TMIGD3: variants seen among roughly 807,000 people sequenced by gnomAD.
The protein encoded by TMIGD3 is transmembrane and immunoglobulin domain containing 3.
A neutral mutation model predicts 28.1 loss-of-function variants in TMIGD3; 21 were observed. The observed-to-expected ratio is 0.75, with a 90% confidence interval of 0.53 to 1.08. TMIGD3 has a LOEUF of 1.08. Among genes scored for constraint, TMIGD3 ranks in the 50% least tolerant of loss-of-function variants. The pLI, the probability that TMIGD3 is intolerant of heterozygous loss-of-function variation, is 0.00. For synonymous variants in TMIGD3, 151 were observed against 162.1 expected (o/e 0.93, Z 0.52); for missense variants, 416 against 435.6 (o/e 0.96, Z 0.40).
chr1:111,532,799 G>A (rs1656498948), intron 1 of TMIGD3, among the ~76,000 whole-genome samples: 1 of 152,176 alleles, frequency 6.6e-6, no homozygotes, highest in Admixed American at 6.5e-5. Context: ...GAAAGGCAAT[G>A]GCACACTCCT....
intron 1 of TMIGD3, among the ~76,000 whole-genome samples, chr1:111,524,410 A>G (rs2101006862): frequency 6.6e-6 from 1 of 152,234 alleles, no homozygotes; most frequent in South Asian, 2.1e-4. Context: ...TAAATGACAT[A>G]TTTACTGGAG....
chr1:111,489,682 G>T lies in TMIGD3; in HGVS notation c.458-658C>A, dbSNP rs532887981. On this transcript the variant is annotated intron_variant, in intron 2 of 5. Transcript: ENST00000369716. Reference sequence around the variant, plus strand: ...GAGGCTTACCGTTAGGAGGCCCTCTGTCCCTAGCTCCCACCCTACCTTAGC... The same window carrying T: ...GAGGCTTACCGTTAGGAGGCCCTCTTTCCCTAGCTCCCACCCTACCTTAGC... 41 of 1,125,114 alleles carry T rather than the reference G, an allele frequency of 3.6e-5. 1 individual carries two copies. Among genetic ancestry groups the T allele is most frequent in the Middle Eastern group, 5.0e-4 (2 of 3,966 alleles). The allele number at this position is 1,125,114 out of a possible 1,614,324, so 69.7% of individuals were successfully genotyped here. A position where few individuals can be genotyped will look rare whatever the true frequency, so the allele number is the denominator to read the frequency against.
At chr1:111,507,422 C>T (rs545197635), upstream of TMIGD3, among the ~76,000 whole-genome samples, 73 of 152,332 alleles carry the variant, frequency 4.8e-4, no homozygotes, top group Middle Eastern at 3.4e-3. Flanking sequence ...CTACTTGGGT[C>T]TGATGCCACT....
chr1:111,547,877 C>T (rs1007278617), intron 1 of TMIGD3, among the ~76,000 whole-genome samples: 1 of 152,230 alleles, frequency 6.6e-6, no homozygotes, highest in African/African-American at 2.4e-5. Context: ...AAAACACTCT[C>T]ATAATAAGCA....
At chr1:111,526,846 AC>A (rs1325128432) in intron 1 of TMIGD3, among the ~76,000 whole-genome samples, 3 of 152,022 alleles carry the variant, frequency 2.0e-5, no homozygotes, top group Non-Finnish European at 4.4e-5. Context: ...CTCCCTGCCC[AC>A]CAACCTCTGG....
At chr1:111,483,976 G>T (rs978444962) in intron 5 of TMIGD3, among the ~76,000 whole-genome samples, 4 of 152,328 alleles carry the variant, frequency 2.6e-5, no homozygotes, top group African/African-American at 9.6e-5. Context: ...TCACCTCTGT[G>T]AACACAGCTG....
rs1359463513 is a variant in TMIGD3, at chr1:111,483,349, T to C, written c.*338A>G. The C allele has an allele frequency of 7.2e-6, 2 of 277,516 alleles. No homozygotes were observed. Among genetic ancestry groups the C allele is most frequent in the East Asian group, 2.1e-4 (2 of 9,686 alleles). 17.2% of individuals were successfully genotyped at this position (277,516 alleles called of 1,614,324 possible). On this transcript the variant is annotated 3_prime_UTR_variant, in exon 6 of 6. Transcript: ENST00000369716. ...GAAGAAGTTACTCATACCTTGGAGT[T>C]CATTCAACACTGGCTAGGAATTTAT...
In TMIGD3 at chr1:111,522,751, C is replaced by T. The variant is rs12059078; in HGVS notation, c.108-31989G>A. Among the ~76,000 whole-genome samples, 784 of 152,106 alleles carry T rather than the reference C, an allele frequency of 5.2e-3. 4 individuals carry two copies. Among genetic ancestry groups the T allele is most frequent in the African/African-American group, 0.017 (726 of 41,492 alleles). The stretch of plus-strand genomic sequence containing the variant: ...CAGGCTGGTCTCGAACTCCTGACCT[C>T]GTGATCTGCCCGCCTCGGCCTCTCA... On this transcript the variant is annotated intron_variant, in intron 1 of 5. Transcript: ENST00000369717.
chr1:111,518,182 T>C (rs1655928425), intron 1 of TMIGD3, among the ~76,000 whole-genome samples: 1 of 152,236 alleles, frequency 6.6e-6, no homozygotes, highest in South Asian at 2.1e-4. Flanking sequence ...AGGGACTTTT[T>C]CTGAATATAA....
chr1:111,556,851 A>C (rs1450377234), intron 1 of TMIGD3, among the ~76,000 whole-genome samples: 3 of 152,120 alleles, frequency 2.0e-5, no homozygotes, highest in African/African-American at 7.2e-5. Context: ...GAATGTCCTT[A>C]ATGTCACTGA....
intron 4 of TMIGD3, 49 bp downstream of exon 4, chr1:111,486,537 C>T (rs751215749): frequency 2.8e-5 from 40 of 1,422,806 alleles, no homozygotes; most frequent in Non-Finnish European, 2.0e-6. Flanking sequence ...CAGCCCCTAC[C>T]TCCACCCCAC....
At chr1:111,561,962 G>A (rs1657758072) in intron 1 of TMIGD3, among the ~76,000 whole-genome samples, 1 of 151,486 alleles carries the variant, frequency 6.6e-6, no homozygotes, top group Non-Finnish European at 1.5e-5. Context: ...CTGACACCAG[G>A]TCATCCCTAG....
intron 1 of TMIGD3, among the ~76,000 whole-genome samples, chr1:111,535,098 G>T (rs1656593708): frequency 6.6e-6 from 1 of 152,154 alleles, no homozygotes; most frequent in Non-Finnish European, 1.5e-5. Flanking sequence ...CCATTTTTAA[G>T]GTGATCAAGA....
intron 1 of TMIGD3, among the ~76,000 whole-genome samples, chr1:111,530,810 C>T (rs1656435338): frequency 6.6e-6 from 1 of 152,054 alleles, no homozygotes; most frequent in Admixed American, 6.6e-5. Context: ...ATTCATGAGG[C>T]TTTTTGTTTA....
At chr1:111,492,516 A>C (rs1442578787) in intron 1 of TMIGD3, among the ~76,000 whole-genome samples, 1 of 152,136 alleles carries the variant, frequency 6.6e-6, no homozygotes, top group Non-Finnish European at 1.5e-5. Flanking sequence ...AATGCCCAAG[A>C]CATGAAAAAG....
At chr1:111,536,199 A>G (rs1188936889) in intron 1 of TMIGD3, among the ~76,000 whole-genome samples, 1 of 151,700 alleles carries the variant, frequency 6.6e-6, no homozygotes, top group Non-Finnish European at 1.5e-5. Flanking sequence ...GAGGGAAGAA[A>G]TAGGCCTAAA....
Position 111,544,745 on chromosome 1 carries a change from C to T in TMIGD3, c.107+19101G>A, listed in dbSNP as rs150922709. On this transcript the variant is annotated intron_variant, in intron 1 of 5. Transcript: ENST00000369717. ...CATGAACATCCATTTTTGGTATATA[C>T]CCAATTTCTTGGGTATATCCAATTT... Among the ~76,000 whole-genome samples, 421 of 151,910 alleles carry T rather than the reference C, an allele frequency of 2.8e-3. 4 individuals carry two copies. Among genetic ancestry groups the T allele is most frequent in the African/African-American group, 9.7e-3 (402 of 41,440 alleles).
At chr1:111,547,672 A>G (rs950756376) in intron 1 of TMIGD3, among the ~76,000 whole-genome samples, 2 of 152,152 alleles carry the variant, frequency 1.3e-5, no homozygotes, top group African/African-American at 4.8e-5. Flanking sequence ...TTTTTTAAAG[A>G]TTAAGATATA....
intron 2 of TMIGD3, among the ~76,000 whole-genome samples, chr1:111,489,969 G>A (rs1654578256): frequency 6.6e-6 from 1 of 152,162 alleles, no homozygotes; most frequent in Non-Finnish European, 1.5e-5. Flanking sequence ...CCTTCCAGAA[G>A]TATAGCAAAA....
Sources: allele counts gnomAD v4.1 joint callset (sites outside exome capture counted in the v4.1 genomes callset), GRCh38; gene constraint gnomAD v4.1.1; transcripts MANE v1.5; gene names NCBI Gene and HGNC (gene_info 2026-07-23, HGNC 2026-07-21).